Variants in MARCHF1 observed in about 807,000 individuals in gnomAD.
MARCHF1 encodes membrane associated ring-CH-type finger 1, also known as E3 ubiquitin-protein ligase MARCHF1.
MARCHF1 carries 40 observed loss-of-function variants against 54.2 expected under a neutral mutation model. The observed-to-expected ratio is 0.74, with a 90% CI of 0.57 to 0.96. The LOEUF is 0.96. Ranked by LOEUF, MARCHF1 falls within the 40% of genes least tolerant of loss-of-function variation. MARCHF1 has a pLI of 0.00. For synonymous variants in MARCHF1, 236 were observed against 236.3 expected, an observed-to-expected ratio of 1.00 and a Z score of 0.01; for missense variants, 586 against 656.5, an observed-to-expected ratio of 0.89 and a Z score of 1.17.
At chr4:163,648,711 T>C (rs1295305079) in intron 5 of MARCHF1, among the ~76,000 whole-genome samples, 2 of 138,556 alleles carry the variant, frequency 1.4e-5, no homozygotes, top group Non-Finnish European at 3.1e-5. Flanking sequence ...GGAGAAGAAA[T>C]ATATAAAATA....
intron 1 of MARCHF1, among the ~76,000 whole-genome samples, chr4:164,159,010 T>C (rs1007340111): frequency 6.6e-6 from 1 of 152,230 alleles, no homozygotes. Context: ...TTTAGTGTGC[T>C]TGAGATTCCA....
chr4:163,771,997 T>C (rs1034035417), intron 4 of MARCHF1, among the ~76,000 whole-genome samples: 3 of 152,162 alleles, frequency 2.0e-5, no homozygotes, highest in African/African-American at 7.2e-5. Context: ...ATTTCATGAA[T>C]TATCAATATA....
intron 3 of MARCHF1, among the ~76,000 whole-genome samples, chr4:163,861,204 T>C (rs1273725650): frequency 6.6e-6 from 1 of 152,080 alleles, no homozygotes; most frequent in Non-Finnish European, 1.5e-5. Context: ...AGTCTGGAAG[T>C]GCCCAAGAAA....
intron 5 of MARCHF1, among the ~76,000 whole-genome samples, chr4:163,637,417 C>A (rs2111019316): frequency 6.6e-6 from 1 of 152,094 alleles, no homozygotes; most frequent in South Asian, 2.1e-4. Context: ...ACAACCCCAT[C>A]AAAAAGTGGG....
chr4:163,718,573 T>C (rs571852019), intron 4 of MARCHF1, among the ~76,000 whole-genome samples: 1 of 152,362 alleles, frequency 6.6e-6, no homozygotes, highest in East Asian at 1.9e-4. Context: ...AACCCATGTG[T>C]GTTGCTTTGT....
At chr4:164,200,019 T>C (rs911066476) in intron 1 of MARCHF1, among the ~76,000 whole-genome samples, 13 of 152,194 alleles carry the variant, frequency 8.5e-5, no homozygotes, top group African/African-American at 3.1e-4. Context: ...AATCTTTAGT[T>C]GCCTTTGGTT....
In MARCHF1 at chr4:163,867,234, C is replaced by CCTCT. The variant is rs559960037; in HGVS notation, c.-38-13069_-38-13066dup. 7.1e-3 allele frequency among the ~76,000 whole-genome samples: 1,086 copies of CCTCT among 151,992 alleles called. 11 individuals are homozygous for CCTCT. The highest frequency in any genetic ancestry group is 0.025 in the African/African-American group (1,033 of 41,502). On this transcript the variant is annotated intron_variant, in intron 3 of 9. Coordinates refer to ENST00000514618, the MANE Select transcript of MARCHF1 (RefSeq NM_001394959.1). ...GGTCTGAGACGCCCAACATAAAATC[C>CCTCT]CTCTCTTCCTTCTTCATCCATTTTT...
intron 4 of MARCHF1, among the ~76,000 whole-genome samples, chr4:163,850,551 T>C (rs1173986951): frequency 6.6e-6 from 1 of 152,250 alleles, no homozygotes; most frequent in East Asian, 1.9e-4. Context: ...CCAATTTTTA[T>C]GCTACTGAAA....
chr4:163,762,510 T>C (rs2110830617), intron 4 of MARCHF1, among the ~76,000 whole-genome samples: 2 of 152,270 alleles, frequency 1.3e-5, no homozygotes, highest in South Asian at 4.1e-4. Flanking sequence ...ATTGTCCAAA[T>C]TCCTTTGTGT....
chr4:164,147,719 G>A (rs1393155492), intron 1 of MARCHF1, among the ~76,000 whole-genome samples: 1 of 144,806 alleles, frequency 6.9e-6, no homozygotes, highest in Non-Finnish European at 1.5e-5. Flanking sequence ...TATACCTAAT[G>A]CTAGATGACG....
At chr4:164,016,012 T>G (rs573294957) in intron 2 of MARCHF1, among the ~76,000 whole-genome samples, 1 of 152,200 alleles carries the variant, frequency 6.6e-6, no homozygotes, top group Non-Finnish European at 1.5e-5. Flanking sequence ...TGCACTCCCA[T>G]GTATTACAGG....
chr4:163,700,808 C>T lies in MARCHF1; in HGVS notation c.162+5G>A. 6.5e-7 allele frequency: 1 copy of T among 1,535,350 alleles called. No individual in the cohort carries two copies. Among genetic ancestry groups the T allele is most frequent in the Admixed American group, 2.0e-5 (1 of 50,976 alleles). ...AACAAACAAGAAAATGAGTACTTCA[C>T]CTACTTTTGAAATGTTACTTGATCG... is the stretch of plus-strand genomic sequence containing the variant. On this transcript the variant is annotated splice_donor_5th_base_variant and intron_variant, in intron 5 of 9. Coordinates refer to ENST00000514618, the MANE Select transcript of MARCHF1 (RefSeq NM_001394959.1).
At chr4:164,350,119 T>C (rs1730236432) in intron 1 of MARCHF1, among the ~76,000 whole-genome samples, 1 of 152,202 alleles carries the variant, frequency 6.6e-6, no homozygotes, top group African/African-American at 2.4e-5. Flanking sequence ...TATATACATA[T>C]TTTAATAATC....
intron 1 of MARCHF1, among the ~76,000 whole-genome samples, chr4:164,351,529 C>T (rs932043213): frequency 5.3e-5 from 8 of 152,046 alleles, no homozygotes; most frequent in Non-Finnish European, 1.2e-4. Flanking sequence ...CAGGGTATTC[C>T]AACAGACCTG....
chr4:163,648,687 A>T (rs1239229320), intron 5 of MARCHF1, among the ~76,000 whole-genome samples: 1 of 151,028 alleles, frequency 6.6e-6, no homozygotes, highest in East Asian at 1.9e-4. Flanking sequence ...GAAAATTATC[A>T]TGGAGAAGAA....
intron 4 of MARCHF1, among the ~76,000 whole-genome samples, chr4:163,839,748 A>G (rs1749286900): frequency 6.6e-6 from 1 of 152,132 alleles, no homozygotes; most frequent in Non-Finnish European, 1.5e-5. Flanking sequence ...GCTAATGCAT[A>G]CAAGTTTCTT....
intron 1 of MARCHF1, among the ~76,000 whole-genome samples, chr4:164,373,463 T>G (rs1011516067): frequency 7.4e-5 from 11 of 148,526 alleles, no homozygotes; most frequent in African/African-American, 2.7e-4. Context: ...CAAGTGATTC[T>G]CCTGCCTCAG....
chr4:163,912,221 T>C (rs1376374573), intron 3 of MARCHF1, among the ~76,000 whole-genome samples: 3 of 152,154 alleles, frequency 2.0e-5, no homozygotes, highest in African/African-American at 7.2e-5. Flanking sequence ...CCACACCTAG[T>C]TGCTGTGAGG....
At chr4:164,224,465 C>T (rs1303530575) in intron 1 of MARCHF1, among the ~76,000 whole-genome samples, 1 of 151,822 alleles carries the variant, frequency 6.6e-6, no homozygotes, top group Non-Finnish European at 1.5e-5. Flanking sequence ...AAAATCTCTA[C>T]CCAAACTCCT....
Sources: allele counts gnomAD v4.1 joint callset (sites outside exome capture counted in the v4.1 genomes callset), GRCh38; gene constraint gnomAD v4.1.1; transcripts MANE v1.5; gene names NCBI Gene and HGNC (gene_info 2026-07-23, HGNC 2026-07-21).